The following ZNF560 variants were observed in gnomAD, a reference collection of about 807,000 sequenced individuals.
ZNF560 encodes zinc finger protein 560.
A neutral mutation model predicts 81.8 loss-of-function variants in ZNF560; 54 were observed. The observed-to-expected ratio is 0.66, with a 90% CI of 0.53 to 0.83. The LOEUF is 0.83. Ranked by LOEUF, ZNF560 falls within the 40% of genes least tolerant of loss-of-function variation. ZNF560 has a pLI of 0.00. For synonymous variants in ZNF560, 321 were observed against 317.9 expected, an observed-to-expected ratio of 1.01 and a Z score of -0.10; for missense variants, 940 against 932.4, an observed-to-expected ratio of 1.01 and a Z score of -0.11.
chr19:9,483,536 G>A (rs2144712331), intron 2 of ZNF560, among the ~76,000 whole-genome samples: 1 of 149,628 alleles, frequency 6.7e-6, no homozygotes, highest in South Asian at 2.1e-4. Flanking sequence ...GAGGGGGGTG[G>A]GGGGTCAGCC....
chr19:9,501,695 C>T (rs534577562), upstream of ZNF560, among the ~76,000 whole-genome samples: 9 of 151,398 alleles, frequency 5.9e-5, no homozygotes, highest in South Asian at 2.1e-4. Context: ...GATGAGGTTT[C>T]GCCATGTTAC....
At chr19:9,474,419 G>T in intron 3 of ZNF560, 94 bp from the exon 4 acceptor site, 1 of 1,393,414 alleles carries the variant, frequency 7.2e-7, no homozygotes, top group Non-Finnish European at 9.8e-7. Flanking sequence ...CCTATAAAGA[G>T]TTGTGAGGTC....
At chr19:9,473,766 T>A (rs2073158304) in intron 4 of ZNF560, among the ~76,000 whole-genome samples, 1 of 152,158 alleles carries the variant, frequency 6.6e-6, no homozygotes, top group Non-Finnish European at 1.5e-5. Context: ...ATGTGCACAT[T>A]TACAAAGCAA....
upstream of ZNF560, among the ~76,000 whole-genome samples, chr19:9,503,613 C>A (rs1434748805): frequency 6.6e-6 from 1 of 152,198 alleles, no homozygotes; most frequent in Non-Finnish European, 1.5e-5. Context: ...CAGCTTACTG[C>A]AGCCTCAACC....
chr19:9,466,940 A>C lies in ZNF560; in HGVS notation c.2007T>G (p.Cys669Trp), dbSNP rs755938242. 1 of 1,614,110 alleles carries C rather than the reference A, an allele frequency of 6.2e-7. No homozygotes were observed. Among genetic ancestry groups the C allele is most frequent in the Non-Finnish European group, 8.5e-7 (1 of 1,180,014 alleles). Residue 669 changes from cysteine (C) to tryptophan (W), a missense_variant, in exon 10 of 10, where the codon TGT becomes TGG. Transcript: ENST00000301480. ...NACEKAYSRSCVLTQHLKTHA... is the reference protein window; with the variant it reads ...NACEKAYSRSWVLTQHLKTHA... ...GAGTTTTTAAGTGTTGAGTTAGTAC[A>C]CAAGACCTACTGTAAGCTTTTTCAC...
chr19:9,503,995 T>C, the ZNF560 span, among the ~76,000 whole-genome samples: 1 of 152,240 alleles, frequency 6.6e-6, no homozygotes, highest in African/African-American at 2.4e-5. Context: ...AGGTGCCTTG[T>C]AATTTGTTCT....
rs2073320384 is a variant in ZNF560 at position 9,483,144 on chromosome 19, C to A, written c.-56-7775G>T. On this transcript the variant is annotated intron_variant, in intron 2 of 9. Transcript: ENST00000301480. The stretch of plus-strand genomic sequence containing the variant: ...CACCCATCGTCTGGGATGTGAGGAG[C>A]CCCTCTGCCTGGCTGCCCAGTCTGG... Among the ~76,000 whole-genome samples, 2 of 150,820 alleles carry A rather than the reference C, an allele frequency of 1.3e-5. 1 individual carries two copies. The highest frequency in any genetic ancestry group is 4.2e-4 in the South Asian group (2 of 4,722).
chr19:9,482,277 G>C (rs563293325), intron 2 of ZNF560, among the ~76,000 whole-genome samples: 1 of 152,174 alleles, frequency 6.6e-6, no homozygotes, highest in East Asian at 1.9e-4. Flanking sequence ...CCTGTTGTGG[G>C]GTGGGGGTAT....
chr19:9,487,290 A>T (rs1228235212), intron 2 of ZNF560, among the ~76,000 whole-genome samples: 1 of 152,228 alleles, frequency 6.6e-6, no homozygotes, highest in Non-Finnish European at 1.5e-5. Flanking sequence ...AGCACAGAGG[A>T]ACAAGCATTT....
chr19:9,468,725 C>CTTTTTTTT (rs3068756), intron 9 of ZNF560, among the ~76,000 whole-genome samples: 5 of 123,030 alleles, frequency 4.1e-5, no homozygotes, highest in Non-Finnish European at 6.9e-5. Context: ...CTGCTGATTT[C>CTTTTTTTT]TTTTTTTTTT....
chr19:9,455,914 G>T, the ZNF560 span, among the ~76,000 whole-genome samples: 1 of 152,130 alleles, frequency 6.6e-6, no homozygotes, highest in Non-Finnish European at 1.5e-5. Flanking sequence ...GGGCATACGA[G>T]AGAGAATGTA....
chr19:9,459,990 A>G, the ZNF560 span, among the ~76,000 whole-genome samples: 1 of 111,504 alleles, frequency 9.0e-6, no homozygotes, highest in East Asian at 2.1e-4. Flanking sequence ...ACCGACACAG[A>G]AAGTGGAACA....
intron 2 of ZNF560, among the ~76,000 whole-genome samples, chr19:9,487,543 A>G (rs1254363814): frequency 2.6e-5 from 4 of 152,190 alleles, no homozygotes; most frequent in African/African-American, 9.7e-5. Context: ...CTAGAAAGGG[A>G]GGCATGCCAT....
chr19:9,468,093 T>C lies in ZNF560; in HGVS notation c.854A>G (p.Lys285Arg). 2 of 1,614,188 alleles carry C rather than the reference T, an allele frequency of 1.2e-6. No homozygotes were observed. Among genetic ancestry groups the C allele is most frequent in the South Asian group, 1.1e-5 (1 of 91,082 alleles). Residue 285 changes from lysine to arginine, a missense_variant, in exon 10 of 10, where the codon AAG becomes AGG. Physicochemically the swap from Lys to Arg is conservative, Grantham distance 26. Transcript: ENST00000301480. ...TTCAAAGGATTTATCTTGTGTACACTTTCTCTGGACCTGAACATTTAAAAT... is the reference window on the plus strand; with the variant it reads ...TTCAAAGGATTTATCTTGTGTACACCTTCTCTGGACCTGAACATTTAAAAT... ...RLILNVQVQR[K>R]CTQDKSFEGT...
chr19:9,484,282 GATCA>G (rs1380900637), intron 2 of ZNF560, among the ~76,000 whole-genome samples: 1 of 148,078 alleles, frequency 6.8e-6, no homozygotes, highest in Non-Finnish European at 1.5e-5. Flanking sequence ...ACCCAAGAAT[GATCA>G]ATTAAAAAAA....
intron 2 of ZNF560, among the ~76,000 whole-genome samples, chr19:9,475,982 C>T (rs921694381): frequency 6.6e-6 from 1 of 152,150 alleles, no homozygotes; most frequent in African/African-American, 2.4e-5. Flanking sequence ...TGAGATTATG[C>T]AGCACCTCTT....
At chr19:9,449,063 A>G in the ZNF560 span, among the ~76,000 whole-genome samples, 1 of 152,252 alleles carries the variant, frequency 6.6e-6, no homozygotes, top group Non-Finnish European at 1.5e-5. Flanking sequence ...ATAGTGGCAG[A>G]CTTCAACACC....
chr19:9,473,237 AC>A lies in ZNF560; in HGVS notation c.179del (p.Ser60MetfsTer11). 2 of 1,612,270 alleles carry A rather than the reference AC, an allele frequency of 1.2e-6. No individual in the cohort carries two copies. Among genetic ancestry groups the A allele is most frequent in the Non-Finnish European group, 1.7e-6 (2 of 1,179,178 alleles). ...AKVGFQLFKP[S>X]VISWLEEEEL... ...CTTCTTCTTCCAACCAAGAGATGAC[AC>A]TGGGTTTAAAGAGCTGAAATCCTTT... On this transcript the variant is annotated frameshift_variant, in exon 5 of 10. Transcript: ENST00000301480. LOFTEE classifies it high-confidence loss of function.
At chr19:9,502,315 A>G (rs111707152), upstream of ZNF560, among the ~76,000 whole-genome samples, 7 of 151,938 alleles carry the variant, frequency 4.6e-5, no homozygotes, top group African/African-American at 1.7e-4. Flanking sequence ...AGGTTCAAGC[A>G]ATTCTCCTGC....
Sources: gnomAD v4.1 joint callset for allele counts (sites outside exome capture counted in the v4.1 genomes callset) on GRCh38, gnomAD v4.1.1 for gene constraint, MANE v1.5 for transcripts, NCBI Gene and HGNC (gene_info 2026-07-23, HGNC 2026-07-21) for gene names.